NPAS3: variants seen among roughly 807,000 people sequenced by gnomAD.
NPAS3 encodes the protein neuronal PAS domain-containing protein 3.
Under a neutral mutation model 73.1 loss-of-function variants are expected in NPAS3, and 14 were observed. That is an observed-to-expected ratio of 0.19 (90% confidence interval 0.13 to 0.30). NPAS3 has a LOEUF of 0.30. Ranked by LOEUF, NPAS3 falls within the 10% of genes least tolerant of loss-of-function variation. The pLI is 1.00. For missense variants in NPAS3, 1,096 were observed against 1,250.0 expected (o/e 0.88, Z 1.86); for synonymous variants, 620 against 541.5 (o/e 1.14, Z -2.01).
rs575064665 is a variant in NPAS3 at position 33,171,029 on chromosome 14, T to G, written c.141-44153T>G. Reference sequence around the variant, plus strand: ...ATCACTACCTACGGCAGTGACAGTCTTATGAAATGCATTTTTTAAGTAGTA... The same window carrying G: ...ATCACTACCTACGGCAGTGACAGTCGTATGAAATGCATTTTTTAAGTAGTA... On this transcript the variant is annotated intron_variant, in intron 2 of 11. Coordinates refer to ENST00000356141, the Ensembl canonical transcript of NPAS3. Among the ~76,000 whole-genome samples the G allele has an allele frequency of 3.9e-4, 59 of 152,306 alleles. 1 individual carries two copies. In the East Asian group the frequency reaches 0.011, roughly 28 times the overall value.
At chr14:33,757,026 T>C (rs2062137292) in intron 7 of NPAS3, among the ~76,000 whole-genome samples, 1 of 152,174 alleles carries the variant, frequency 6.6e-6, no homozygotes, top group South Asian at 2.1e-4. Flanking sequence ...ATTCTTGGTC[T>C]GAAAGGTGAT....
At chr14:33,401,699 T>C (rs1026151844) in intron 4 of NPAS3, among the ~76,000 whole-genome samples, 17 of 152,098 alleles carry the variant, frequency 1.1e-4, no homozygotes, top group Non-Finnish European at 2.1e-4. Context: ...AATATATCTA[T>C]TCATTTTATT....
At chr14:33,788,823 C>T (rs553059149) in intron 9 of NPAS3, among the ~76,000 whole-genome samples, 2 of 152,196 alleles carry the variant, frequency 1.3e-5, no homozygotes, top group African/African-American at 2.4e-5. Flanking sequence ...TGCAGGGCCA[C>T]GGATGTGTAC....
intron 3 of NPAS3, among the ~76,000 whole-genome samples, chr14:33,288,424 A>G (rs550343207): frequency 2.6e-5 from 4 of 152,208 alleles, no homozygotes; most frequent in South Asian, 2.1e-4. Context: ...ATGGGCGAGC[A>G]TGTTCCCCAG....
At chr14:33,278,758 T>C (rs2041453440) in intron 3 of NPAS3, among the ~76,000 whole-genome samples, 1 of 152,172 alleles carries the variant, frequency 6.6e-6, no homozygotes, top group South Asian at 2.1e-4. Flanking sequence ...TAAAGCATTC[T>C]AAGTTCAGTG....
intron 7 of NPAS3, among the ~76,000 whole-genome samples, chr14:33,758,415 C>G (rs1170421398): frequency 6.6e-6 from 1 of 152,196 alleles, no homozygotes; most frequent in Non-Finnish European, 1.5e-5. Context: ...ACGGGGCATC[C>G]CTCTGCAGGT....
intron 4 of NPAS3, among the ~76,000 whole-genome samples, chr14:33,388,620 G>T (rs537237605): frequency 1.3e-5 from 2 of 152,174 alleles, no homozygotes; most frequent in East Asian, 3.9e-4. Flanking sequence ...CGAGCTGGGC[G>T]TTCTAGTGAG....
chr14:33,424,387 T>C lies in NPAS3; in HGVS notation c.468+57119T>C, dbSNP rs567058224. 1.4e-4 allele frequency among the ~76,000 whole-genome samples: 21 copies of C among 152,050 alleles called. 1 individual carries two copies. The highest frequency in any genetic ancestry group is 9.8e-4 in the Admixed American group (15 of 15,272). ...GCTGGGTTCAGACTGCAGACCAAGA[T>C]GCCCATGAAGGGTTTCAGGCAGAGG... On this transcript the variant is annotated intron_variant, in intron 4 of 11. Coordinates refer to ENST00000356141, the Ensembl canonical transcript of NPAS3.
intron 3 of NPAS3, 142 bp from the exon 4 acceptor site, chr14:33,367,044 C>T (rs1280409508): frequency 2.3e-6 from 1 of 444,040 alleles, no homozygotes; most frequent in Non-Finnish European, 4.1e-6. Flanking sequence ...CAACTCAGAA[C>T]TAAAATTAAT....
At chr14:33,390,601 A>G (rs535973770) in intron 4 of NPAS3, among the ~76,000 whole-genome samples, 41 of 152,302 alleles carry the variant, frequency 2.7e-4, no homozygotes, top group African/African-American at 9.6e-4. Flanking sequence ...CTAATAGCCA[A>G]TTTGTAGAGT....
At chr14:33,008,666 G>T (rs1364278001) in intron 1 of NPAS3, among the ~76,000 whole-genome samples, 4 of 152,178 alleles carry the variant, frequency 2.6e-5, no homozygotes, top group Non-Finnish European at 5.9e-5. Flanking sequence ...TTGTAATTTT[G>T]AGGGTTTTAT....
chr14:33,272,535 G>C (rs2041140309), intron 3 of NPAS3, among the ~76,000 whole-genome samples: 1 of 152,046 alleles, frequency 6.6e-6, no homozygotes, highest in African/African-American at 2.4e-5. Flanking sequence ...TCTTCCCTCA[G>C]CCTCCCGAGT....
intron 7 of NPAS3, among the ~76,000 whole-genome samples, chr14:33,760,479 A>G (rs1292984382): frequency 6.6e-6 from 1 of 152,186 alleles, no homozygotes; most frequent in Non-Finnish European, 1.5e-5. Context: ...ATGATACAGG[A>G]TCATTTGGAC....
chr14:33,320,363 T>C (rs1241183270), intron 3 of NPAS3, among the ~76,000 whole-genome samples: 1 of 152,096 alleles, frequency 6.6e-6, no homozygotes, highest in African/African-American at 2.4e-5. Flanking sequence ...CTTAGAAGGA[T>C]TCCAACATGG....
chr14:33,593,356 T>G (rs997611057), intron 5 of NPAS3, among the ~76,000 whole-genome samples: 17 of 152,174 alleles, frequency 1.1e-4, no homozygotes, highest in African/African-American at 4.1e-4. Flanking sequence ...TTTTAACATC[T>G]TTTAAAGGCC....
chr14:33,395,276 T>A (rs982412373), intron 4 of NPAS3, among the ~76,000 whole-genome samples: 3 of 152,130 alleles, frequency 2.0e-5, no homozygotes, highest in African/African-American at 7.2e-5. Context: ...TCAGTGACAA[T>A]GGAAAATAAA....
intron 4 of NPAS3, among the ~76,000 whole-genome samples, chr14:33,509,682 G>C (rs1355953568): frequency 6.6e-6 from 1 of 151,996 alleles, no homozygotes; most frequent in Non-Finnish European, 1.5e-5. Flanking sequence ...GAAGGAAAGA[G>C]TAACAAGTCC....
chr14:33,562,917 A>ACACACACACACACACC (rs796283021), intron 5 of NPAS3, among the ~76,000 whole-genome samples: 2 of 151,762 alleles, frequency 1.3e-5, no homozygotes, highest in Non-Finnish European at 2.9e-5. Context: ...ACACACACAC[A>ACACACACACACACACC]CCCTTAATCA....
chr14:33,636,878 A>C (rs1056572217), intron 5 of NPAS3, among the ~76,000 whole-genome samples: 1 of 151,106 alleles, frequency 6.6e-6, no homozygotes, highest in Non-Finnish European at 1.5e-5. Flanking sequence ...CCAAGCTGTC[A>C]GCAGGAGGAG....
Sources: allele counts gnomAD v4.1 joint callset (sites outside exome capture counted in the v4.1 genomes callset), GRCh38; gene constraint gnomAD v4.1.1; transcripts MANE v1.5; gene names NCBI Gene and HGNC (gene_info 2026-07-23, HGNC 2026-07-21).